Variants in PLXDC2 observed in about 807,000 individuals in gnomAD.
PLXDC2 encodes the protein plexin domain containing 2, also known as plexin domain-containing protein 2.
In PLXDC2, 40 loss-of-function variants were observed where a neutral mutation model predicts 68.9. The ratio of observed to expected loss-of-function variants is 0.58; its 90% CI spans 0.45 to 0.76. PLXDC2 has a LOEUF of 0.76. Ranked by LOEUF, PLXDC2 falls within the 30% of genes least tolerant of loss-of-function variation. The probability of loss-of-function intolerance (pLI) is 0.00; values close to 1 mark genes in which losing one functional copy is unlikely to be tolerated. For missense variants in PLXDC2, 644 were observed against 661.9 expected (o/e 0.97, Z 0.30); for synonymous variants, 243 against 234.2 (o/e 1.04, Z -0.34).
At chr10:20,266,791 A>G (rs1416253175) in intron 13 of PLXDC2, among the ~76,000 whole-genome samples, 3 of 152,210 alleles carry the variant, frequency 2.0e-5, no homozygotes, top group East Asian at 1.9e-4. Flanking sequence ...TAATAACAAT[A>G]TAGGCGCTCC....
At chr10:19,843,681 C>T (rs1202683702) in intron 1 of PLXDC2, among the ~76,000 whole-genome samples, 1 of 152,030 alleles carries the variant, frequency 6.6e-6, no homozygotes, top group East Asian at 1.9e-4. Flanking sequence ...AAAGAAAGAT[C>T]CCACATGTTT....
intron 3 of PLXDC2, among the ~76,000 whole-genome samples, chr10:20,047,770 C>T (rs1325998691): frequency 6.6e-6 from 1 of 152,112 alleles, no homozygotes; most frequent in African/African-American, 2.4e-5. Flanking sequence ...TATTACATCA[C>T]ACATTGCAGA....
intron 4 of PLXDC2, among the ~76,000 whole-genome samples, chr10:20,127,535 A>C (rs747952996): frequency 6.6e-6 from 1 of 152,226 alleles, no homozygotes; most frequent in African/African-American, 2.4e-5. Context: ...GGCTTCATTT[A>C]CTATAGAATA....
chr10:19,840,555 T>C (rs1836885665), intron 1 of PLXDC2, among the ~76,000 whole-genome samples: 1 of 152,186 alleles, frequency 6.6e-6, no homozygotes, highest in African/African-American at 2.4e-5. Flanking sequence ...CAGAGTACAT[T>C]GAATAGTAAG....
chr10:19,856,935 A>G (rs944789778), intron 1 of PLXDC2, among the ~76,000 whole-genome samples: 1 of 152,242 alleles, frequency 6.6e-6, no homozygotes, highest in African/African-American at 2.4e-5. Flanking sequence ...GAAGATAGAT[A>G]TGTACAAAAT....
chr10:20,112,903 A>G (rs996511972), intron 4 of PLXDC2, among the ~76,000 whole-genome samples: 2 of 152,244 alleles, frequency 1.3e-5, no homozygotes, highest in East Asian at 3.8e-4. Flanking sequence ...TTTTCTTTAG[A>G]CTATGGAAAA....
chr10:20,238,927 G>A (rs1474192356), intron 12 of PLXDC2, among the ~76,000 whole-genome samples: 1 of 151,344 alleles, frequency 6.6e-6, no homozygotes, highest in Non-Finnish European at 1.5e-5. Context: ...TATTATCTTG[G>A]ATACTATTGA....
At chr10:20,210,922 C>T (rs938961322) in intron 9 of PLXDC2, among the ~76,000 whole-genome samples, 1 of 152,154 alleles carries the variant, frequency 6.6e-6, no homozygotes, top group African/African-American at 2.4e-5. Context: ...ATAGAATGCC[C>T]TTGTGACTAA....
intron 9 of PLXDC2, among the ~76,000 whole-genome samples, chr10:20,179,351 T>A (rs1834571438): frequency 6.6e-6 from 1 of 151,896 alleles, no homozygotes; most frequent in Non-Finnish European, 1.5e-5. Context: ...TGCCCTTATA[T>A]CTCCAGAGCC....
At chr10:20,187,649 G>T (rs562158213) in intron 9 of PLXDC2, among the ~76,000 whole-genome samples, 105 of 151,910 alleles carry the variant, frequency 6.9e-4, no homozygotes, top group African/African-American at 2.4e-3. Context: ...GAAATGGATA[G>T]AAAATAAATG....
intron 1 of PLXDC2, among the ~76,000 whole-genome samples, chr10:19,965,720 G>C (rs75460190): frequency 8.1e-5 from 7 of 86,374 alleles, no homozygotes; most frequent in Non-Finnish European, 1.5e-4. Context: ...GTTTTTTTTG[G>C]GGGGGGGGGT....
At chr10:19,885,688 G>C (rs1387927339) in intron 1 of PLXDC2, among the ~76,000 whole-genome samples, 2 of 151,510 alleles carry the variant, frequency 1.3e-5, no homozygotes, top group African/African-American at 4.8e-5. Flanking sequence ...ATTTCTGAGG[G>C]CTCTGTTCTG....
At chr10:20,048,677 A>G (rs1258861536) in intron 3 of PLXDC2, among the ~76,000 whole-genome samples, 2 of 152,122 alleles carry the variant, frequency 1.3e-5, no homozygotes, top group African/African-American at 4.8e-5. Context: ...AGGCAGAGAA[A>G]GGAGTTCCTC....
At chr10:20,121,556 G>T (rs546423982) in intron 4 of PLXDC2, among the ~76,000 whole-genome samples, 27 of 152,328 alleles carry the variant, frequency 1.8e-4, no homozygotes, top group South Asian at 6.2e-4. Flanking sequence ...CAGGTAATTT[G>T]CTGAGCCTGA....
In PLXDC2 at chr10:20,177,050, C is replaced by T; in HGVS notation, c.935C>T (p.Ser312Leu). 1.2e-6 allele frequency: 2 copies of T among 1,611,704 alleles called. No individual in the cohort carries two copies. Among genetic ancestry groups the T allele is most frequent in the South Asian group, 1.1e-5 (1 of 91,008 alleles). The stretch of plus-strand genomic sequence containing the variant: ...TACCACCGAGTAGAGCTACAAATGT[C>T]AAAAATTACCAACATTTCGGCTGTG... ...YEYHRVELQM[S>L]KITNISAVEM... Residue 312 changes from serine (S) to leucine (L), a missense_variant, in exon 8 of 14, where the codon TCA (serine) becomes TTA (leucine). Around this residue, in one of 3 missense-constraint regions of PLXDC2, gnomAD observed 330 missense variants for 327.9 expected, o/e 1.01. Coordinates refer to ENST00000377252, the MANE Select transcript of PLXDC2 (RefSeq NM_032812.9).
chr10:20,044,467 G>A (rs570337384), intron 2 of PLXDC2, among the ~76,000 whole-genome samples: 100 of 151,486 alleles, frequency 6.6e-4, no homozygotes, highest in African/African-American at 2.1e-3. Context: ...CTGCCATCAC[G>A]CCTGGCTATT....
chr10:19,941,891 A>G (rs1392820716), intron 1 of PLXDC2, among the ~76,000 whole-genome samples: 1 of 147,538 alleles, frequency 6.8e-6, no homozygotes, highest in Non-Finnish European at 1.5e-5. Context: ...GTATTTTTTA[A>G]TTTTTTTCAT....
chr10:19,853,209 G>A (rs902052874), intron 1 of PLXDC2, among the ~76,000 whole-genome samples: 4 of 152,054 alleles, frequency 2.6e-5, no homozygotes, highest in Non-Finnish European at 5.9e-5. Flanking sequence ...TAATGCCTTT[G>A]TTTTGTTCTT....
chr10:19,926,786 A>G (rs1002316456), intron 1 of PLXDC2, among the ~76,000 whole-genome samples: 2 of 152,190 alleles, frequency 1.3e-5, no homozygotes, highest in Non-Finnish European at 1.5e-5. Context: ...AAGACACTCT[A>G]TGTGGTGTAG....
Sources: allele counts gnomAD v4.1 joint callset (sites outside exome capture counted in the v4.1 genomes callset), GRCh38; gene constraint gnomAD v4.1.1; regional missense constraint gnomAD v4.1.1; transcripts MANE v1.5; gene names NCBI Gene and HGNC (gene_info 2026-07-23, HGNC 2026-07-21).